Variants in NAV3 observed in about 807,000 individuals in gnomAD.
NAV3 encodes neuron navigator 3.
Under a neutral mutation model 244.7 loss-of-function variants are expected in NAV3, and 87 were observed. That is an observed-to-expected ratio of 0.36 (90% CI 0.30 to 0.42). NAV3 has a LOEUF of 0.42. Ranked by LOEUF, NAV3 falls within the 20% of genes least tolerant of loss-of-function variation. NAV3 has a pLI of 1.00. For synonymous variants in NAV3, 1,126 were observed against 1,042.2 expected, an observed-to-expected ratio of 1.08 and a Z score of -1.55; for missense variants, 2,663 against 2,893.3, an observed-to-expected ratio of 0.92 and a Z score of 1.83.
intron 8 of NAV3, among the ~76,000 whole-genome samples, chr12:78,017,503 T>C (rs1470215920): frequency 6.6e-6 from 1 of 152,134 alleles, no homozygotes; most frequent in Non-Finnish European, 1.5e-5. Flanking sequence ...TTTCAATAGT[T>C]ACTCATAACA....
chr12:77,797,108 G>A (rs1428905035), intron 2 of NAV3, among the ~76,000 whole-genome samples: 2 of 152,120 alleles, frequency 1.3e-5, no homozygotes, highest in African/African-American at 4.8e-5. Flanking sequence ...TGGAGATAAT[G>A]GGTGTACAAT....
intron 2 of NAV3, among the ~76,000 whole-genome samples, chr12:77,754,292 G>C (rs989145199): frequency 2.7e-4 from 41 of 152,182 alleles, no homozygotes; most frequent in African/African-American, 9.6e-4. Context: ...CAGTGTTGAT[G>C]AGACTAATTG....
chr12:78,204,924 T>A lies in NAV3; in HGVS notation c.6835-11T>A, dbSNP rs767923744. The stretch of plus-strand genomic sequence containing the variant: ...TTTTATATATATCCTAAACGCGTGG[T>A]CAACTTTTAGATGTATGGGAAACGC... On this transcript the variant is annotated splice_polypyrimidine_tract_variant and intron_variant, in intron 38 of 39. Coordinates refer to ENST00000397909, the MANE Select transcript of NAV3 (RefSeq NM_001024383.2). 9 of 1,612,532 alleles carry A rather than the reference T, an allele frequency of 5.6e-6. No homozygotes were observed. The East Asian group carries it at 2.0e-4, about 36-fold the overall frequency.
At chr12:77,678,458 AT>A (rs1215875758) in intron 2 of NAV3, among the ~76,000 whole-genome samples, 2 of 152,156 alleles carry the variant, frequency 1.3e-5, no homozygotes, top group African/African-American at 4.8e-5. Flanking sequence ...ATTAAGCATA[AT>A]TTTTTATTAA....
Position 77,627,103 on chromosome 12 carries a change from T to A in NAV3, c.72+54837T>A, listed in dbSNP as rs144092038. 2.9e-3 allele frequency among the ~76,000 whole-genome samples: 449 copies of A among 152,210 alleles called. 1 individual carries two copies. Among genetic ancestry groups the A allele is most frequent in the African/African-American group, 0.011 (439 of 41,562 alleles). On this transcript the variant is annotated intron_variant, in intron 2 of 8. Coordinates refer to the NAV3 transcript ENST00000550042. ...AAGATATGGACTGGCTGAATAGATT[T>A]ATAAAAACAACAACAACAACTATAT...
At chr12:77,682,509 G>T (rs894153518) in intron 2 of NAV3, among the ~76,000 whole-genome samples, 1 of 152,132 alleles carries the variant, frequency 6.6e-6, no homozygotes, top group Middle Eastern at 3.4e-3. Flanking sequence ...TTTCCTTTGG[G>T]TATATATCCA....
At chr12:78,068,010 G>C (rs1393907659) in intron 12 of NAV3, among the ~76,000 whole-genome samples, 2 of 151,978 alleles carry the variant, frequency 1.3e-5, no homozygotes, top group Non-Finnish European at 2.9e-5. Flanking sequence ...GAGGAGGAAT[G>C]AGGAGGAAAA....
chr12:77,963,155 A>G (rs1447611406), intron 3 of NAV3, among the ~76,000 whole-genome samples: 1 of 152,156 alleles, frequency 6.6e-6, no homozygotes, highest in African/African-American at 2.4e-5. Context: ...AGTTAAAAAA[A>G]TTGACATTAA....
chr12:78,064,919 G>A (rs1457944629), intron 12 of NAV3, among the ~76,000 whole-genome samples: 2 of 152,080 alleles, frequency 1.3e-5, no homozygotes, highest in East Asian at 3.9e-4. Context: ...TGTTTTTCAA[G>A]TGAAGCCAAG....
chr12:78,110,574 AT>A (rs1323052357), intron 12 of NAV3, among the ~76,000 whole-genome samples: 2 of 152,048 alleles, frequency 1.3e-5, no homozygotes, highest in African/African-American at 2.4e-5. Context: ...ATTTGTACAA[AT>A]AAAAAAATGT....
At chr12:78,047,724 C>T (rs1882073169) in intron 9 of NAV3, among the ~76,000 whole-genome samples, 1 of 151,950 alleles carries the variant, frequency 6.6e-6, no homozygotes, top group Non-Finnish European at 1.5e-5. Context: ...TGTGGTGGTC[C>T]CTGTATTTCC....
In NAV3 at chr12:77,631,361, A is replaced by G. The variant is rs192315696; in HGVS notation, c.72+59095A>G. On this transcript the variant is annotated intron_variant, in intron 2 of 8. Coordinates refer to the NAV3 transcript ENST00000550042. ...GGGAACAAATCCATCATGGAAAAAG[A>G]AAAAAAGAAAGAAAAGAAACAAAGA... is the stretch of plus-strand genomic sequence containing the variant. Among the ~76,000 whole-genome samples the G allele has an allele frequency of 2.5e-5, 3 of 119,864 alleles. No homozygotes were observed. In the East Asian group the frequency reaches 6.0e-4, roughly 24 times the overall value. 78.6% of individuals were successfully genotyped at this position (119,864 alleles called of 152,430 possible).
intron 12 of NAV3, among the ~76,000 whole-genome samples, chr12:78,064,289 C>A (rs188376891): frequency 5.5e-4 from 84 of 152,172 alleles, no homozygotes; most frequent in African/African-American, 1.9e-3. Context: ...AAGGTGTCAG[C>A]AAATTTGTTT....
chr12:77,717,502 T>C (rs1463531265), intron 2 of NAV3, among the ~76,000 whole-genome samples: 1 of 152,114 alleles, frequency 6.6e-6, no homozygotes, highest in East Asian at 1.9e-4. Flanking sequence ...ATATACTACA[T>C]TTTCTTTATC....
At chr12:77,955,300 C>G (rs142482464) in intron 3 of NAV3, among the ~76,000 whole-genome samples, 2,126 of 152,204 alleles carry the variant, frequency 0.014, 29 homozygotes, top group Non-Finnish European at 0.023. Flanking sequence ...AGCTCCTTCC[C>G]GCGTTCACCT....
At chr12:77,667,025 G>A (rs953334093) in intron 2 of NAV3, among the ~76,000 whole-genome samples, 1 of 152,158 alleles carries the variant, frequency 6.6e-6, no homozygotes, top group African/African-American at 2.4e-5. Flanking sequence ...TCAGTCCCAT[G>A]TCCAAATCCG....
intron 3 of NAV3, among the ~76,000 whole-genome samples, chr12:77,964,837 C>T (rs1892370087): frequency 6.6e-6 from 1 of 151,618 alleles, no homozygotes; most frequent in African/African-American, 2.4e-5. Flanking sequence ...TATATCTTGG[C>T]TGTGGTCATT....
intron 2 of NAV3, among the ~76,000 whole-genome samples, chr12:77,760,851 T>A (rs1763822617): frequency 6.6e-6 from 1 of 152,162 alleles, no homozygotes; most frequent in African/African-American, 2.4e-5. Context: ...AGGACCATCA[T>A]GAGTTTTGAG....
chr12:77,977,551 G>A lies in NAV3; in HGVS notation c.671+8849G>A, dbSNP rs143962544. 1.3e-4 allele frequency among the ~76,000 whole-genome samples: 20 copies of A among 151,832 alleles called. No homozygotes were observed. The East Asian group carries it at 2.7e-3, about 21-fold the overall frequency. On this transcript the variant is annotated intron_variant, in intron 5 of 39. Transcript: ENST00000397909. The stretch of plus-strand genomic sequence containing the variant: ...CTAACAATTTCCAATCTCTGTTATC[G>A]GCACTTTTATTTTTTTGTTACCAAT...
Sources: gnomAD v4.1 joint callset for allele counts (sites outside exome capture counted in the v4.1 genomes callset) on GRCh38, gnomAD v4.1.1 for gene constraint, MANE v1.5 for transcripts, NCBI Gene and HGNC (gene_info 2026-07-23, HGNC 2026-07-21) for gene names.